Variants in SPAG17 observed in about 807,000 individuals in gnomAD.
The protein encoded by SPAG17 is sperm-associated antigen 17.
In SPAG17, 169 loss-of-function variants were observed where a neutral mutation model predicts 273.6. The ratio of observed to expected loss-of-function variants is 0.62; its 90% CI spans 0.55 to 0.70. The LOEUF (loss-of-function observed/expected upper bound fraction) is 0.70, where lower values mean the gene tolerates loss of function less well. SPAG17 is among the 30% of genes least tolerant of loss of function. The pLI, the probability that SPAG17 is intolerant of heterozygous loss-of-function variation, is 0.00. For synonymous variants in SPAG17, 825 were observed against 873.2 expected, an observed-to-expected ratio of 0.94 and a Z score of 0.97; for missense variants, 2,557 against 2,627.8, an observed-to-expected ratio of 0.97 and a Z score of 0.59.
chr1:118,179,170 T>C (rs1660826324), intron 1 of SPAG17, among the ~76,000 whole-genome samples: 1 of 151,930 alleles, frequency 6.6e-6, no homozygotes, highest in Non-Finnish European at 1.5e-5. Context: ...AGAGCAAAGC[T>C]AGAGGCATCA....
At chr1:117,954,110 A>G (rs1424040155) in intron 48 of SPAG17, 61 bp from the exon 49 acceptor site, 1 of 1,602,330 alleles carries the variant, frequency 6.2e-7, no homozygotes, top group African/African-American at 1.3e-5. Context: ...GTAATAAGAG[A>G]GTACAGTAAG....
Position 118,090,449 on chromosome 1 carries a change from G to A in SPAG17, c.1359+1157C>T, listed in dbSNP as rs542175606. ...TAAAAGATTTAGAATTGAATACACTGAAAGCATCAGGATGCAAACAAAGAA... is the reference window on the plus strand; with the variant it reads ...TAAAAGATTTAGAATTGAATACACTAAAAGCATCAGGATGCAAACAAAGAA... On this transcript the variant is annotated intron_variant, in intron 10 of 48. Coordinates refer to ENST00000336338, the MANE Select transcript of SPAG17 (RefSeq NM_206996.4). Among the ~76,000 whole-genome samples the A allele has an allele frequency of 2.0e-5, 3 of 152,264 alleles. No homozygotes were observed. In the East Asian group the frequency reaches 5.8e-4, roughly 29 times the overall value.
At chr1:118,148,577 A>G (rs1659195797) in intron 3 of SPAG17, among the ~76,000 whole-genome samples, 1 of 152,094 alleles carries the variant, frequency 6.6e-6, no homozygotes. Flanking sequence ...TGCATTTACA[A>G]TCCTCTAGCT....
At chr1:117,967,947 G>C (rs1246219384) in intron 46 of SPAG17, among the ~76,000 whole-genome samples, 1 of 152,200 alleles carries the variant, frequency 6.6e-6, no homozygotes, top group African/African-American at 2.4e-5. Flanking sequence ...AGTAGAATTG[G>C]AAAATGTTTC....
chr1:117,991,487 C>T lies in SPAG17; in HGVS notation c.5403G>A (p.Gln1801=). 1.2e-6 allele frequency: 2 copies of T among 1,612,272 alleles called. No individual in the cohort carries two copies. The highest frequency in any genetic ancestry group is 1.3e-5 in the African/African-American group (1 of 74,950). ...NYILKKEDEL[Q]EMMVKDSRTE... ...TTCTGGAATCTTTAACCATCATTTCCTGCAGCTCATCTTCTTTCTTTAGAA... is the reference window on the plus strand; with the variant it reads ...TTCTGGAATCTTTAACCATCATTTCTTGCAGCTCATCTTCTTTCTTTAGAA... Residue 1801 remains glutamine, a synonymous_variant, in exon 37 of 49, where the codon CAG becomes CAA. Coordinates refer to ENST00000336338, the MANE Select transcript of SPAG17 (RefSeq NM_206996.4).
intron 30 of SPAG17, among the ~76,000 whole-genome samples, chr1:118,011,899 A>G (rs1659505959): frequency 6.6e-6 from 1 of 152,084 alleles, no homozygotes; most frequent in African/African-American, 2.4e-5. Flanking sequence ...GGTAATGCAT[A>G]CGTTAATTCA....
intron 3 of SPAG17, among the ~76,000 whole-genome samples, chr1:118,134,295 G>A (rs1015267028): frequency 6.6e-6 from 1 of 152,066 alleles, no homozygotes; most frequent in Admixed American, 6.6e-5. Flanking sequence ...TTAGAAAAAT[G>A]CTAACATCAC....
intron 13 of SPAG17, among the ~76,000 whole-genome samples, chr1:118,082,099 C>T (rs998477068): frequency 1.3e-5 from 2 of 152,188 alleles, no homozygotes; most frequent in Non-Finnish European, 2.9e-5. Flanking sequence ...AAGGCTTCCT[C>T]CTGTGCACAT....
intron 1 of SPAG17, among the ~76,000 whole-genome samples, chr1:118,178,319 T>C (rs1482179694): frequency 1.3e-5 from 2 of 152,074 alleles, no homozygotes; most frequent in Non-Finnish European, 2.9e-5. Context: ...TGATACATTG[T>C]ATGAACAGAA....
At chr1:117,959,933 G>C (rs17037769) in intron 48 of SPAG17, 2,889 of 152,400 alleles carry the variant, frequency 0.019, 81 homozygotes, top group South Asian at 0.12. Flanking sequence ...AGCTAAAAAG[G>C]ACTGTAAAAA....
chr1:117,968,669 G>A (rs1032150776), intron 46 of SPAG17, among the ~76,000 whole-genome samples: 7 of 152,148 alleles, frequency 4.6e-5, no homozygotes, highest in African/African-American at 1.4e-4. Flanking sequence ...TGGCATAGTC[G>A]TGACAAGAAG....
chr1:118,000,607 C>T (rs1266212095), intron 32 of SPAG17, among the ~76,000 whole-genome samples: 3 of 151,972 alleles, frequency 2.0e-5, no homozygotes, highest in South Asian at 2.1e-4. Context: ...GGTTCACTCA[C>T]GTTTGGCTCT....
intron 48 of SPAG17, chr1:117,954,527 T>G: frequency 6.5e-7 from 1 of 1,545,094 alleles, no homozygotes. Flanking sequence ...CTATAACAAG[T>G]GCTACCTAAG....
At chr1:118,053,061 A>C (rs1221795442) in intron 20 of SPAG17, among the ~76,000 whole-genome samples, 1 of 152,076 alleles carries the variant, frequency 6.6e-6, no homozygotes, top group Non-Finnish European at 1.5e-5. Context: ...ACTGAACTTA[A>C]GGAAACAATG....
chr1:118,028,249 C>T (rs1647991436), intron 26 of SPAG17, 25 bp downstream of exon 26: 1 of 1,583,436 alleles, frequency 6.3e-7, no homozygotes, highest in Non-Finnish European at 8.6e-7. Flanking sequence ...CCCTGCTTCC[C>T]CACCCTACCC....
intron 19 of SPAG17, among the ~76,000 whole-genome samples, chr1:118,054,502 C>T (rs994282805): frequency 6.6e-6 from 1 of 152,064 alleles, no homozygotes; most frequent in Non-Finnish European, 1.5e-5. Context: ...CTTTTCCGTA[C>T]TTGAGAGACC....
At position 117,981,333 on chromosome 1, in the gene SPAG17, A is replaced by G; in HGVS notation, c.5941T>C (p.Ser1981Pro). Residue 1981 changes from serine to proline, a missense_variant, in exon 43 of 49, where the codon TCT (serine) becomes CCT (proline). Physicochemically the swap from Ser to Pro is moderately conservative, Grantham distance 74 (BLOSUM62 -1). Transcript: ENST00000336338. ...GCAGTGAAATCCTTCTTATCTGCAGAAATCTCTGGTTTTGGAAGACTAGGC... is the reference window on the plus strand; with the variant it reads ...GCAGTGAAATCCTTCTTATCTGCAGGAATCTCTGGTTTTGGAAGACTAGGC... ...SVPSLPKPEI[S>P]ADKKDFTAQN... is the part of the protein sequence containing the mutation. The G allele has an allele frequency of 6.2e-7, 1 of 1,602,502 alleles. No homozygotes were observed. Among genetic ancestry groups the G allele is most frequent in the Non-Finnish European group, 8.5e-7 (1 of 1,177,486 alleles).
At position 118,150,557 on chromosome 1, in the gene SPAG17, G is replaced by C. The variant is rs544643666; in HGVS notation, c.301C>G (p.Pro101Ala). ...KAKKPVGGNA[P>A]LYYEVLTAAK... ...CTTTCACTTACCTCATAATATAAAG[G>C]AGCATTACCACCTACAGGTTTTTTT... Residue 101 changes from proline to alanine, a missense_variant, in exon 3 of 49, where the codon CCT (proline) becomes GCT (alanine). Transcript: ENST00000336338. 4 of 1,566,526 alleles carry C rather than the reference G, an allele frequency of 2.6e-6. No individual in the cohort carries two copies. The highest frequency in any genetic ancestry group is 3.5e-6 in the Non-Finnish European group (4 of 1,144,218).
Position 118,086,869 on chromosome 1 carries a change from AC to A in SPAG17, c.1497+1del, listed in dbSNP as rs752599644. ...AGACTCTGCTATCTCAGGCTATCTGACCTTTTTCTCCCTCTCTGAGAGACAG... is the reference window on the plus strand; with the variant it reads ...AGACTCTGCTATCTCAGGCTATCTGACTTTTTCTCCCTCTCTGAGAGACAG... On this transcript the variant is annotated splice_donor_variant, in intron 11 of 48. Transcript: ENST00000336338. LOFTEE classifies it high-confidence loss of function. 1 of 1,614,130 alleles carries A rather than the reference AC, an allele frequency of 6.2e-7. No homozygotes were observed. Among genetic ancestry groups the A allele is most frequent in the Non-Finnish European group, 8.5e-7 (1 of 1,180,002 alleles).
Sources: allele counts gnomAD v4.1 joint callset (sites outside exome capture counted in the v4.1 genomes callset), GRCh38; gene constraint gnomAD v4.1.1; transcripts MANE v1.5; gene names NCBI Gene and HGNC (gene_info 2026-07-23, HGNC 2026-07-21).